The following AMD1 variants were observed in gnomAD, a reference collection of about 807,000 sequenced individuals.
The protein encoded by AMD1 is adenosylmethionine decarboxylase 1, also known as S-adenosylmethionine decarboxylase proenzyme.
Under a neutral mutation model 40.2 loss-of-function variants are expected in AMD1, and 11 were observed. The observed-to-expected ratio is 0.27, with a 90% confidence interval of 0.17 to 0.45. The LOEUF (loss-of-function observed/expected upper bound fraction) is 0.45. Among genes scored for constraint, AMD1 ranks in the 20% least tolerant of loss-of-function variants. The pLI is 1.00. For synonymous variants in AMD1, 121 were observed against 130.8 expected (o/e 0.93, Z 0.51); for missense variants, 257 against 410.2 (o/e 0.63, Z 3.23).
chr6:110,875,265 C>T, intron 1 of AMD1, 50 bp downstream of exon 1: 2 of 1,440,084 alleles, frequency 1.4e-6, no homozygotes, highest in South Asian at 1.2e-5. Context: ...GCTGTCGCCG[C>T]CGCCGAGGCA....
At chr6:110,816,118 G>A in the AMD1 span, among the ~76,000 whole-genome samples, 2 of 152,164 alleles carry the variant, frequency 1.3e-5, no homozygotes, top group Non-Finnish European at 2.9e-5. Flanking sequence ...GCCTGCCTTG[G>A]CCAGAGGAGA....
Position 110,887,555 on chromosome 6 carries a change from T to C in AMD1, c.161T>C (p.Val54Ala). The C allele has an allele frequency of 6.2e-7, 1 of 1,608,578 alleles. No homozygotes were observed. Among genetic ancestry groups the C allele is most frequent in the Non-Finnish European group, 8.5e-7 (1 of 1,178,028 alleles). ...LKDVQCSIIS[V>A]TKTDKQEAYV... ...GATGTGCAATGTTCAATCATAAGTG[T>C]GACAAAAACTGACAAGCAGGAAGCT... is the stretch of plus-strand genomic sequence containing the variant. The change falls in exon 2 of 9, where the codon GTG becomes GCG. Residue 54 changes from valine (V) to alanine (A), a missense_variant. By Grantham distance (64) the Val-to-Ala change is moderately conservative. Around this residue, in one of 3 missense-constraint regions of AMD1, gnomAD observed 57 missense variants for 76.8 expected, o/e 0.74. Transcript: ENST00000368885.
At chr6:110,884,782 A>G (rs576682502) in intron 1 of AMD1, among the ~76,000 whole-genome samples, 1 of 152,310 alleles carries the variant, frequency 6.6e-6, no homozygotes, top group South Asian at 2.1e-4. Flanking sequence ...CAGCCATGGA[A>G]CGTGTTTAAA....
At chr6:110,875,867 G>A (rs962093700) in intron 1 of AMD1, among the ~76,000 whole-genome samples, 2 of 152,112 alleles carry the variant, frequency 1.3e-5, no homozygotes, top group African/African-American at 4.8e-5. Flanking sequence ...CCCCTAACAT[G>A]CTCTGCGCCA....
At chr6:110,889,090 C>T (rs1785869794) in intron 3 of AMD1, 107 bp downstream of exon 3, 1 of 1,347,772 alleles carries the variant, frequency 7.4e-7, no homozygotes, top group Admixed American at 2.3e-5. Context: ...TGTTACAATG[C>T]ATGCAAACAC....
At chr6:110,855,089 T>TTTTTTTTA in the AMD1 span, among the ~76,000 whole-genome samples, 1 of 146,896 alleles carries the variant, frequency 6.8e-6, no homozygotes, top group East Asian at 2.0e-4. Flanking sequence ...TTTTTTTTTT[T>TTTTTTTTA]GAGAGAATTG....
At chr6:110,834,264 C>G in the AMD1 span, among the ~76,000 whole-genome samples, 10 of 152,008 alleles carry the variant, frequency 6.6e-5, no homozygotes, top group Admixed American at 6.6e-4. Flanking sequence ...GCTTGTGCCC[C>G]GGAGTCCCAG....
the AMD1 span, among the ~76,000 whole-genome samples, chr6:110,832,657 T>G: frequency 6.6e-6 from 1 of 152,178 alleles, no homozygotes; most frequent in Non-Finnish European, 1.5e-5. Flanking sequence ...TTATTTTTAT[T>G]TACTTTTTAA....
intron 1 of AMD1, among the ~76,000 whole-genome samples, chr6:110,879,968 C>CT (rs113295813): frequency 0.011 from 1,613 of 144,972 alleles, 17 homozygotes; most frequent in Non-Finnish European, 0.015. Flanking sequence ...AGTTCTTGGT[C>CT]TTTTTTTTTT....
At chr6:110,815,691 T>C in the AMD1 span, 1 of 152,414 alleles carries the variant, frequency 6.6e-6, no homozygotes, top group Non-Finnish European at 1.5e-5. Context: ...GAAGTTCCAG[T>C]GTGCTTTCTG....
At chr6:110,850,007 G>A in the AMD1 span, among the ~76,000 whole-genome samples, 2 of 147,416 alleles carry the variant, frequency 1.4e-5, no homozygotes, top group Admixed American at 1.4e-4. Context: ...CCTGGTGACA[G>A]AGCAAAACAC....
chr6:110,860,317 A>T, the AMD1 span, among the ~76,000 whole-genome samples: 1 of 152,190 alleles, frequency 6.6e-6, no homozygotes, highest in African/African-American at 2.4e-5. Flanking sequence ...TGTTGGTAAG[A>T]AGAAAAAGAT....
chr6:110,845,598 T>G, the AMD1 span, among the ~76,000 whole-genome samples: 1 of 152,224 alleles, frequency 6.6e-6, no homozygotes, highest in Non-Finnish European at 1.5e-5. Flanking sequence ...TTTAATACCC[T>G]GCTGTTGGGT....
At chr6:110,861,113 C>T in the AMD1 span, among the ~76,000 whole-genome samples, 2 of 152,178 alleles carry the variant, frequency 1.3e-5, no homozygotes, top group Non-Finnish European at 2.9e-5. Context: ...AATCCCAGCA[C>T]TTTGGGAGGC....
intron 1 of AMD1, among the ~76,000 whole-genome samples, chr6:110,876,108 C>T (rs1785098189): frequency 6.6e-6 from 1 of 152,246 alleles, no homozygotes; most frequent in Admixed American, 6.5e-5. Flanking sequence ...GGCCCACTCC[C>T]ACTGCGGGCC....
the AMD1 span, among the ~76,000 whole-genome samples, chr6:110,855,456 A>G: frequency 2.0e-5 from 3 of 152,190 alleles, no homozygotes; most frequent in Non-Finnish European, 1.5e-5. Flanking sequence ...TAAATGGCAT[A>G]AAGTTACATA....
At chr6:110,844,833 G>C in the AMD1 span, among the ~76,000 whole-genome samples, 1 of 151,842 alleles carries the variant, frequency 6.6e-6, no homozygotes, top group Non-Finnish European at 1.5e-5. Flanking sequence ...CCTGAGGCTG[G>C]GTAATTTATA....
At chr6:110,845,655 C>T in the AMD1 span, among the ~76,000 whole-genome samples, 1 of 152,132 alleles carries the variant, frequency 6.6e-6, no homozygotes, top group Non-Finnish European at 1.5e-5. Context: ...TGGACTTATA[C>T]CAGCGATTTG....
At chr6:110,873,278 C>T (rs1288611134), upstream of AMD1, among the ~76,000 whole-genome samples, 1 of 152,162 alleles carries the variant, frequency 6.6e-6, no homozygotes, top group African/African-American at 2.4e-5. Flanking sequence ...GCAGGAGAAT[C>T]GCTTGAACCC....
Sources: gnomAD v4.1 joint callset for allele counts (sites outside exome capture counted in the v4.1 genomes callset) on GRCh38, gnomAD v4.1.1 for gene constraint, gnomAD v4.1.1 regional missense constraint, MANE v1.5 for transcripts, NCBI Gene and HGNC (gene_info 2026-07-23, HGNC 2026-07-21) for gene names.